Variants in BSG observed in about 807,000 individuals in gnomAD.
BSG encodes basigin.
A neutral mutation model predicts 43.1 loss-of-function variants in BSG; 37 were observed. That is an observed-to-expected ratio of 0.86 (90% CI 0.66 to 1.13). BSG has a LOEUF of 1.13. Among genes scored for constraint, BSG ranks in the 50% most tolerant of loss-of-function variants. The pLI is 0.00. For synonymous variants in BSG, 309 were observed against 238.7 expected (o/e 1.29, Z -2.72); for missense variants, 599 against 554.2 (o/e 1.08, Z -0.81).
chr19:581,713 G>GAGTTGAT, intron 6 of BSG, 122 bp downstream of exon 6: 3 of 1,300,678 alleles, frequency 2.3e-6, no homozygotes, highest in Non-Finnish European at 3.1e-6. Flanking sequence ...CCCAGGCAGG[G>GAGTTGAT]AGTTGATGGG....
intron 1 of BSG, 150 bp downstream of exon 1, chr19:572,851 A>G: frequency 8.0e-6 from 8 of 1,005,890 alleles, no homozygotes; most frequent in Non-Finnish European, 9.1e-6. Flanking sequence ...CCGCGCCAGC[A>G]TGGAGCTTGG....
intron 2 of BSG, chr19:578,748 T>G: frequency 3.8e-6 from 1 of 265,866 alleles, no homozygotes; most frequent in South Asian, 3.3e-5. Context: ...TTTTTTTTTT[T>G]CCTGGAGATG....
chr19:579,901 G>T, intron 3 of BSG: 1 of 552,442 alleles, frequency 1.8e-6, no homozygotes, highest in Non-Finnish European at 3.1e-6. Context: ...ACTAGGTCCC[G>T]GGCACGAAAG....
At chr19:578,821 C>G (rs772677581) in intron 2 of BSG, 65 of 351,794 alleles carry the variant, frequency 1.8e-4, no homozygotes, top group Admixed American at 4.5e-4. Context: ...ACTTCCGCCT[C>G]CCGGGTTCAA....
intron 2 of BSG, 66 bp downstream of exon 2, chr19:578,187 T>C: frequency 7.1e-7 from 1 of 1,406,660 alleles, no homozygotes; most frequent in South Asian, 1.4e-5. Context: ...GCCTCCCGGC[T>C]CCTGCTCAGT....
chr19:580,238 C>T, intron 3 of BSG, 141 bp from the exon 4 acceptor site: 1 of 713,870 alleles, frequency 1.4e-6, no homozygotes, highest in Non-Finnish European at 2.3e-6. Flanking sequence ...ACGGGGACCC[C>T]AGGAGTTCTT....
chr19:576,926 T>C (rs2145892250), intron 1 of BSG, among the ~76,000 whole-genome samples: 1 of 151,074 alleles, frequency 6.6e-6, no homozygotes, highest in Middle Eastern at 3.4e-3. Context: ...CATATGCACG[T>C]GTGTATGTGT....
At chr19:582,455 G>A in intron 7 of BSG, 59 bp from the exon 8 acceptor site, 4 of 1,602,008 alleles carry the variant, frequency 2.5e-6, no homozygotes, top group Non-Finnish European at 1.7e-6. Context: ...GTGGGCAGGG[G>A]TGACTTGGAG....
At chr19:576,095 C>G (rs530893566) in intron 1 of BSG, among the ~76,000 whole-genome samples, 4 of 152,340 alleles carry the variant, frequency 2.6e-5, no homozygotes, top group East Asian at 1.9e-4. Context: ...GCACCGGGAC[C>G]GGTGCAGATG....
chr19:578,390 C>G (rs991578481), intron 2 of BSG, among the ~76,000 whole-genome samples: 3 of 152,218 alleles, frequency 2.0e-5, no homozygotes, highest in African/African-American at 4.8e-5. Flanking sequence ...TCGTGCCATC[C>G]GTTCCGTCGT....
chr19:581,636 GC>G, intron 6 of BSG, 45 bp downstream of exon 6: 1 of 1,520,420 alleles, frequency 6.6e-7, no homozygotes. Context: ...TCTCGGGGTG[GC>G]CCAGGGCCAC....
intron 1 of BSG, among the ~76,000 whole-genome samples, chr19:572,935 C>G (rs1436131153): frequency 8.9e-6 from 1 of 112,812 alleles, no homozygotes; most frequent in Admixed American, 8.1e-5. Context: ...CCCGGGCGCT[C>G]CGGCCTCGAG....
Position 580,449 on chromosome 19 carries a change from A to T in BSG, c.643A>T (p.Ile215Phe). The T allele has an allele frequency of 1.9e-6, 3 of 1,610,680 alleles. No homozygotes were observed. Among genetic ancestry groups the T allele is most frequent in the Non-Finnish European group, 2.5e-6 (3 of 1,179,868 alleles). ...CCCCGAGCCCATGGGCACGGCCAAC[A>T]TCCAGCTCCACGGTGAGTCCTGCAG... The part of the protein sequence containing the change: ...FLPEPMGTAN[I>F]QLHGPPRVKA... Residue 215 changes from isoleucine to phenylalanine, a missense_variant, in exon 4 of 9, where the codon ATC becomes TTC. By Grantham distance (21) the Ile-to-Phe change is conservative. Transcript: ENST00000333511.
Position 580,539 on chromosome 19 carries a change from C to A in BSG, c.655+78C>A. ...TTGGCCTGAGGCACCCGGCACATCC[C>A]AGAGCCCTGGCCCCCTGCTCCCTGG... On this transcript the variant is annotated intron_variant, in intron 4 of 8. Coordinates refer to ENST00000333511, the MANE Select transcript of BSG (RefSeq NM_001728.4). 1.9e-6 allele frequency: 3 copies of A among 1,604,426 alleles called. No homozygotes were observed. The Admixed American group carries it at 5.0e-5, about 27-fold the overall frequency.
chr19:576,231 C>T (rs1981761419), intron 1 of BSG, among the ~76,000 whole-genome samples: 1 of 152,198 alleles, frequency 6.6e-6, no homozygotes, highest in African/African-American at 2.4e-5. Flanking sequence ...GAGTCAGGGG[C>T]CAGCCCTCTC....
chr19:575,636 A>G (rs1981701096), intron 1 of BSG, among the ~76,000 whole-genome samples: 1 of 144,478 alleles, frequency 6.9e-6, no homozygotes, highest in Non-Finnish European at 1.5e-5. Flanking sequence ...GGGGGCGGGC[A>G]GCCTTATCCT....
intron 2 of BSG, 122 bp downstream of exon 2, chr19:578,243 G>C: frequency 9.4e-7 from 1 of 1,059,690 alleles, no homozygotes; most frequent in South Asian, 2.0e-5. Flanking sequence ...GTGCCCCGTT[G>C]GGCCCACCGC....
upstream of BSG, chr19:571,750 AAAGG>A: frequency 1.5e-6 from 1 of 648,536 alleles, no homozygotes; most frequent in South Asian, 1.7e-5. Flanking sequence ...CACACGGGAC[AAAGG>A]AAGGGAGCTT....
chr19:574,308 CTT>C (rs1981568217), intron 1 of BSG, among the ~76,000 whole-genome samples: 1 of 150,268 alleles, frequency 6.7e-6, no homozygotes, highest in Non-Finnish European at 1.5e-5. Context: ...AATCCCAGCA[CTT>C]TGGGAGGCCG....
Sources: gnomAD v4.1 joint callset for allele counts (sites outside exome capture counted in the v4.1 genomes callset) on GRCh38, gnomAD v4.1.1 for gene constraint, MANE v1.5 for transcripts, NCBI Gene and HGNC (gene_info 2026-07-23, HGNC 2026-07-21) for gene names.